The following PRKCA variants were observed in gnomAD, a reference collection of about 807,000 sequenced individuals.
The protein encoded by PRKCA is protein kinase C alpha type.
In PRKCA, 27 loss-of-function variants were observed where a neutral mutation model predicts 87.0. The observed-to-expected ratio is 0.31, with a 90% CI of 0.23 to 0.43. The LOEUF (loss-of-function observed/expected upper bound fraction) is 0.43. Ranked by LOEUF, PRKCA falls within the 20% of genes least tolerant of loss-of-function variation. The probability of loss-of-function intolerance (pLI) is 1.00; values close to 1 mark genes in which losing one functional copy is unlikely to be tolerated. For synonymous variants in PRKCA, 329 were observed against 311.1 expected (o/e 1.06, Z -0.61); for missense variants, 518 against 852.3 (o/e 0.61, Z 4.88).
intron 1 of PRKCA, among the ~76,000 whole-genome samples, chr17:66,303,437 G>A (rs1009138637): frequency 2.6e-5 from 4 of 152,152 alleles, no homozygotes; most frequent in African/African-American, 7.2e-5. Flanking sequence ...GAGTAACGGG[G>A]GAGCGGCGGC....
intron 2 of PRKCA, among the ~76,000 whole-genome samples, chr17:66,390,863 A>G (rs964806684): frequency 1.3e-5 from 2 of 152,212 alleles, no homozygotes; most frequent in Middle Eastern, 3.4e-3. Flanking sequence ...AGACTGACCC[A>G]TCCAACCAAG....
chr17:66,312,967 G>C (rs1291759821), intron 2 of PRKCA, among the ~76,000 whole-genome samples: 1 of 152,042 alleles, frequency 6.6e-6, no homozygotes, highest in Non-Finnish European at 1.5e-5. Context: ...TCGAACTCCT[G>C]ACCTCAAGTG....
At chr17:66,348,305 C>CA in intron 2 of PRKCA, among the ~76,000 whole-genome samples, 1 of 152,144 alleles carries the variant, frequency 6.6e-6, no homozygotes, top group East Asian at 1.9e-4. Context: ...TAAAAGACAA[C>CA]AAAAAGCCCC....
intron 8 of PRKCA, among the ~76,000 whole-genome samples, chr17:66,725,859 A>G (rs1202884569): frequency 6.6e-6 from 1 of 151,930 alleles, no homozygotes; most frequent in Non-Finnish European, 1.5e-5. Context: ...GTTCCCCAGA[A>G]GCTGACGTAG....
intron 2 of PRKCA, among the ~76,000 whole-genome samples, chr17:66,468,788 C>T (rs1598698502): frequency 6.6e-6 from 1 of 152,284 alleles, no homozygotes; most frequent in East Asian, 1.9e-4. Context: ...TTGTGGCTGG[C>T]ATGCAGGAGA....
intron 14 of PRKCA, chr17:66,777,150 G>A (rs1239332082): frequency 1.5e-5 from 14 of 916,484 alleles, no homozygotes; most frequent in Non-Finnish European, 1.7e-5. Flanking sequence ...CTGGTGGGTA[G>A]GGGGAGCCCT....
chr17:66,688,878 C>T (rs1022634789), intron 7 of PRKCA, 73 bp from the exon 8 acceptor site: 5 of 945,838 alleles, frequency 5.3e-6, no homozygotes, highest in Admixed American at 4.5e-5. Flanking sequence ...TTTCACAAAA[C>T]CGCTCGACTA....
chr17:66,494,254 T>A lies in PRKCA; in HGVS notation c.206-1947T>A, dbSNP rs73336527. 1.7e-3 allele frequency among the ~76,000 whole-genome samples: 260 copies of A among 152,354 alleles called. 1 individual carries two copies. The highest frequency in any genetic ancestry group is 6.0e-3 in the African/African-American group (249 of 41,582). Reference sequence around the variant, plus strand: ...ATTTGGGAAACTCTAACCTTCCTTGTGCAGAGTCTTAGTTCATTTTTGCTG... The same window carrying A: ...ATTTGGGAAACTCTAACCTTCCTTGAGCAGAGTCTTAGTTCATTTTTGCTG... On this transcript the variant is annotated intron_variant, in intron 2 of 16. Transcript: ENST00000413366.
intron 2 of PRKCA, among the ~76,000 whole-genome samples, chr17:66,428,704 A>G (rs1012244266): frequency 1.4e-4 from 22 of 152,020 alleles, no homozygotes; most frequent in African/African-American, 3.9e-4. Context: ...GGTTTTCACT[A>G]TGTTGCTCAG....
chr17:66,603,730 A>G (rs759879063), intron 3 of PRKCA, among the ~76,000 whole-genome samples: 4 of 152,072 alleles, frequency 2.6e-5, no homozygotes, highest in Non-Finnish European at 5.9e-5. Flanking sequence ...GTCCTCCCTG[A>G]ATGAAGCTCT....
intron 2 of PRKCA, among the ~76,000 whole-genome samples, chr17:66,369,392 G>C (rs542121186): frequency 6.6e-6 from 1 of 152,074 alleles, no homozygotes; most frequent in Non-Finnish European, 1.5e-5. Flanking sequence ...GGAGGGACCT[G>C]GGGGAGGAGG....
At chr17:66,305,962 G>T (rs1904792555) in intron 1 of PRKCA, 134 bp from the exon 2 acceptor site, 1 of 826,744 alleles carries the variant, frequency 1.2e-6, no homozygotes, top group Non-Finnish European at 2.0e-6. Context: ...ATTTAGGTAT[G>T]TTTTTTTCTA....
chr17:66,478,610 G>T (rs1915636324), intron 2 of PRKCA, among the ~76,000 whole-genome samples: 1 of 152,030 alleles, frequency 6.6e-6, no homozygotes, highest in African/African-American at 2.4e-5. Flanking sequence ...ATCTTGCATT[G>T]CAATAGCATT....
intron 5 of PRKCA, among the ~76,000 whole-genome samples, 194 bp downstream of exon 5, chr17:66,645,705 G>A (rs1971433411): frequency 6.6e-6 from 1 of 152,140 alleles, no homozygotes; most frequent in South Asian, 2.1e-4. Flanking sequence ...CCAGGAGATG[G>A]GTCTGTACAC....
At chr17:66,717,941 G>A (rs1271005816) in intron 8 of PRKCA, among the ~76,000 whole-genome samples, 2 of 152,216 alleles carry the variant, frequency 1.3e-5, no homozygotes, top group Non-Finnish European at 2.9e-5. Flanking sequence ...TGACCCAGTT[G>A]TGTGGGAGGA....
chr17:66,648,521 T>G (rs1324382934), intron 5 of PRKCA, among the ~76,000 whole-genome samples: 1 of 152,174 alleles, frequency 6.6e-6, no homozygotes, highest in Non-Finnish European at 1.5e-5. Context: ...AAATGGCACA[T>G]GCGGAGAGAA....
At chr17:66,547,541 T>C (rs1968183127) in intron 3 of PRKCA, among the ~76,000 whole-genome samples, 1 of 152,162 alleles carries the variant, frequency 6.6e-6, no homozygotes, top group Non-Finnish European at 1.5e-5. Context: ...GTCCTTACTG[T>C]TTACTGAGAG....
intron 3 of PRKCA, among the ~76,000 whole-genome samples, chr17:66,550,487 A>G (rs182996715): frequency 6.6e-6 from 1 of 152,246 alleles, no homozygotes; most frequent in East Asian, 1.9e-4. Context: ...CATGTCTACT[A>G]AAAATACAAA....
chr17:66,683,372 T>C (rs1270103300), intron 5 of PRKCA, among the ~76,000 whole-genome samples: 4 of 152,218 alleles, frequency 2.6e-5, no homozygotes, highest in Non-Finnish European at 5.9e-5. Flanking sequence ...AAATGCTGGG[T>C]GCAGTGAACA....
Sources: gnomAD v4.1 joint callset for allele counts (sites outside exome capture counted in the v4.1 genomes callset) on GRCh38, gnomAD v4.1.1 for gene constraint, MANE v1.5 for transcripts, NCBI Gene and HGNC (gene_info 2026-07-23, HGNC 2026-07-21) for gene names.